The following FRYL variants were observed in gnomAD, a reference collection of about 807,000 sequenced individuals.
FRYL encodes FRY like transcription coactivator.
In FRYL, 150 loss-of-function variants were observed where a neutral mutation model predicts 351.2. The observed-to-expected ratio is 0.43, with a 90% confidence interval of 0.37 to 0.49. The LOEUF is 0.49. Ranked by LOEUF, FRYL falls within the 20% of genes least tolerant of loss-of-function variation. FRYL has a pLI of 0.00. For synonymous variants in FRYL, 1,153 were observed against 1,257.1 expected, an observed-to-expected ratio of 0.92 and a Z score of 1.75; for missense variants, 3,036 against 3,619.3, an observed-to-expected ratio of 0.84 and a Z score of 4.13.
chr4:48,573,777 C>T (rs1738918309), intron 25 of FRYL, among the ~76,000 whole-genome samples: 1 of 152,118 alleles, frequency 6.6e-6, no homozygotes, highest in Non-Finnish European at 1.5e-5. Context: ...TCTCAAACTC[C>T]CGACCTCAGG....
intron 29 of FRYL, 79 bp from the exon 30 acceptor site, chr4:48,565,122 T>C: frequency 1.4e-6 from 1 of 713,928 alleles, no homozygotes; most frequent in Non-Finnish European, 2.3e-6. Context: ...AGAGGCAAAA[T>C]ACTTATCTAG....
chr4:48,532,899 T>C (rs1026838424), intron 49 of FRYL, among the ~76,000 whole-genome samples: 1 of 152,178 alleles, frequency 6.6e-6, no homozygotes, highest in African/African-American at 2.4e-5. Context: ...TGATGAGCCA[T>C]CAGCTAAATA....
intron 48 of FRYL, among the ~76,000 whole-genome samples, 186 bp from the exon 49 acceptor site, chr4:48,534,871 G>A (rs1728519422): frequency 1.3e-5 from 2 of 152,138 alleles, no homozygotes; most frequent in South Asian, 4.1e-4. Flanking sequence ...CCTTGGTTCA[G>A]AAAGGAGAAT....
chr4:48,775,085 G>T (rs1775872995), intron 1 of FRYL, among the ~76,000 whole-genome samples: 1 of 152,152 alleles, frequency 6.6e-6, no homozygotes, highest in Admixed American at 6.5e-5. Flanking sequence ...CGCCCCACAG[G>T]AACAGCAGTG....
At position 48,521,030 on chromosome 4, in the gene FRYL, G is replaced by C; in HGVS notation, c.7689+18C>G. 6.3e-7 allele frequency: 1 copy of C among 1,591,472 alleles called. No individual in the cohort carries two copies. Among genetic ancestry groups the C allele is most frequent in the Non-Finnish European group, 8.6e-7 (1 of 1,168,030 alleles). The stretch of plus-strand genomic sequence containing the variant: ...AAGAGCCCAGATTGGCCATGCACCA[G>C]CCTCCATTTCTCCCCACCTCAGGCA... On this transcript the variant is annotated intron_variant, in intron 55 of 63. Transcript: ENST00000358350.
intron 3 of FRYL, among the ~76,000 whole-genome samples, chr4:48,639,513 T>C (rs1476277558): frequency 6.6e-6 from 1 of 151,960 alleles, no homozygotes; most frequent in Admixed American, 6.6e-5. Context: ...ATACAGAACT[T>C]ATACCTTCTG....
chr4:48,757,200 C>T (rs2109354715), intron 1 of FRYL, among the ~76,000 whole-genome samples: 1 of 152,276 alleles, frequency 6.6e-6, no homozygotes, highest in South Asian at 2.1e-4. Flanking sequence ...GACAAGGATG[C>T]CCTCTCTCAC....
At chr4:48,690,755 A>G (rs983761130) in intron 2 of FRYL, among the ~76,000 whole-genome samples, 4 of 152,148 alleles carry the variant, frequency 2.6e-5, no homozygotes, top group Non-Finnish European at 4.4e-5. Context: ...TTAATTATAC[A>G]ATGGAACTTA....
At chr4:48,668,313 T>C (rs1407859771) in intron 3 of FRYL, among the ~76,000 whole-genome samples, 1 of 151,652 alleles carries the variant, frequency 6.6e-6, no homozygotes, top group African/African-American at 2.4e-5. Context: ...TCTTTCCATT[T>C]TGAAACTAAG....
At chr4:48,666,800 A>C (rs778218351) in intron 3 of FRYL, among the ~76,000 whole-genome samples, 5 of 152,190 alleles carry the variant, frequency 3.3e-5, no homozygotes, top group Non-Finnish European at 7.3e-5. Flanking sequence ...GCATCAGCTT[A>C]TACTTCCTCT....
intron 16 of FRYL, among the ~76,000 whole-genome samples, chr4:48,592,365 A>G (rs1397772507): frequency 6.6e-6 from 1 of 152,070 alleles, no homozygotes; most frequent in African/African-American, 2.4e-5. Flanking sequence ...GAGCTCTTAC[A>G]AAAGTCCTTG....
At chr4:48,547,186 G>GT (rs1167238447) in intron 41 of FRYL, among the ~76,000 whole-genome samples, 2 of 152,128 alleles carry the variant, frequency 1.3e-5, no homozygotes, top group Non-Finnish European at 2.9e-5. Flanking sequence ...CAAAATGTAT[G>GT]TTTTTAATGC....
At chr4:48,742,998 T>TTTTTTTTTTTTTCTA (rs1337453064) in intron 1 of FRYL, among the ~76,000 whole-genome samples, 1 of 125,948 alleles carries the variant, frequency 7.9e-6, no homozygotes, top group Non-Finnish European at 1.7e-5. Flanking sequence ...TTTTTTTTTT[T>TTTTTTTTTTTTTCTA]ACTAGAGACA....
intron 31 of FRYL, among the ~76,000 whole-genome samples, 180 bp downstream of exon 31, chr4:48,563,768 A>G (rs1027092761): frequency 6.6e-6 from 1 of 151,954 alleles, no homozygotes; most frequent in African/African-American, 2.4e-5. Flanking sequence ...ATACTACAGC[A>G]TTTTATATAG....
At chr4:48,612,478 TACTAAG>T (rs1392320896) in intron 7 of FRYL, among the ~76,000 whole-genome samples, 1 of 143,302 alleles carries the variant, frequency 7.0e-6, no homozygotes, top group Non-Finnish European at 1.5e-5. Context: ...GGTTTGAAAA[TACTAAG>T]ACTGTGTGTG....
intron 9 of FRYL, 83 bp from the exon 10 acceptor site, chr4:48,606,689 T>C: frequency 9.3e-7 from 1 of 1,075,532 alleles, no homozygotes; most frequent in Non-Finnish European, 1.3e-6. Context: ...AATCAAAAGG[T>C]ATGCTACCTA....
At chr4:48,759,778 C>T (rs1415246702) in intron 1 of FRYL, among the ~76,000 whole-genome samples, 1 of 152,172 alleles carries the variant, frequency 6.6e-6, no homozygotes, top group East Asian at 1.9e-4. Flanking sequence ...TCTGCTTCCA[C>T]TTTTCAGGAC....
chr4:48,563,828 A>C (rs1333005944), intron 31 of FRYL, 120 bp downstream of exon 31: 2 of 1,053,644 alleles, frequency 1.9e-6, no homozygotes, highest in Non-Finnish European at 2.7e-6. Flanking sequence ...TCCTGGAACC[A>C]ATCCCCCACA....
chr4:48,539,960 C>T lies in FRYL; in HGVS notation c.6393+11G>A. On this transcript the variant is annotated intron_variant, in intron 47 of 63. Transcript: ENST00000358350. ...CCTATAGTGTTACCTTTCAGCATAACATTTGCTTACCTTTGCTATTCGACT... is the reference window on the plus strand; with the variant it reads ...CCTATAGTGTTACCTTTCAGCATAATATTTGCTTACCTTTGCTATTCGACT... 1 of 1,589,860 alleles carries T rather than the reference C, an allele frequency of 6.3e-7. No individual in the cohort carries two copies. Among genetic ancestry groups the T allele is most frequent in the Non-Finnish European group, 8.6e-7 (1 of 1,159,246 alleles).
Sources: gnomAD v4.1 joint callset for allele counts (sites outside exome capture counted in the v4.1 genomes callset) on GRCh38, gnomAD v4.1.1 for gene constraint, MANE v1.5 for transcripts, NCBI Gene and HGNC (gene_info 2026-07-23, HGNC 2026-07-21) for gene names.